Variants in ECM2 observed in about 807,000 individuals in gnomAD.
ECM2 encodes extracellular matrix protein 2, female organ and adipocyte specific.
Under a neutral mutation model 67.5 loss-of-function variants are expected in ECM2, and 57 were observed. The observed-to-expected ratio is 0.84, with a 90% CI of 0.68 to 1.05. The LOEUF (loss-of-function observed/expected upper bound fraction) is 1.05, where lower values mean the gene tolerates loss of function less well. Ranked by LOEUF, ECM2 falls within the 50% of genes least tolerant of loss-of-function variation. ECM2 has a pLI of 0.00. For missense variants in ECM2, 741 were observed against 822.8 expected (o/e 0.90, Z 1.22); for synonymous variants, 258 against 294.5 (o/e 0.88, Z 1.27).
chr9:92,515,306 T>A (rs1223675362), intron 3 of ECM2, 103 bp from the exon 4 acceptor site: 1 of 1,304,010 alleles, frequency 7.7e-7, no homozygotes, highest in Non-Finnish European at 9.7e-7. Flanking sequence ...TCCCTCCAAG[T>A]ATTTGAGTGC....
chr9:92,525,185 G>T (rs10992358), intron 1 of ECM2, among the ~76,000 whole-genome samples: 1 of 152,094 alleles, frequency 6.6e-6, no homozygotes, highest in African/African-American at 2.4e-5. Flanking sequence ...GGGCATGGTG[G>T]TGCATACCTG....
In ECM2 at chr9:92,495,917, AT is replaced by A. The variant is rs1846321262; in HGVS notation, c.*397del. ...AATTCTGCCTGCTTTTTTTGTTGTC[AT>A]TATGCTTCTTAATCTTGAACCAAAA... On this transcript the variant is annotated 3_prime_UTR_variant, in exon 10 of 10. Coordinates refer to ENST00000344604, the MANE Select transcript of ECM2 (RefSeq NM_001393.4). 5.1e-6 allele frequency: 5 copies of A among 985,410 alleles called. No homozygotes were observed. In the South Asian group the frequency reaches 1.9e-4, roughly 37 times the overall value. 61.0% of individuals were successfully genotyped at this position (985,410 alleles called of 1,614,324 possible). A position where few individuals can be genotyped will look rare whatever the true frequency, so the allele number is the denominator to read the frequency against.
chr9:92,548,799 G>T, the ECM2 span, among the ~76,000 whole-genome samples: 1 of 152,126 alleles, frequency 6.6e-6, no homozygotes, highest in African/African-American at 2.4e-5. Context: ...GATAACATTT[G>T]TTCTTACACT....
the ECM2 span, among the ~76,000 whole-genome samples, chr9:92,552,661 TC>T: frequency 7.9e-5 from 12 of 152,234 alleles, no homozygotes; most frequent in Admixed American, 7.9e-4. Context: ...AATTGTCTAT[TC>T]GTGTCATTAG....
chr9:92,546,534 A>G, the ECM2 span, among the ~76,000 whole-genome samples: 1 of 151,930 alleles, frequency 6.6e-6, no homozygotes. Context: ...GAGCTGTAAT[A>G]GTCAACGCCA....
intron 3 of ECM2, among the ~76,000 whole-genome samples, chr9:92,516,103 G>T (rs909363696): frequency 6.8e-6 from 1 of 147,010 alleles, no homozygotes; most frequent in Admixed American, 7.0e-5. Flanking sequence ...TTGCTCTGTC[G>T]CCCAGGCTGG....
intron 1 of ECM2, among the ~76,000 whole-genome samples, chr9:92,532,034 A>T (rs2398753): frequency 0.64 from 59,315 of 93,218 alleles, 18,799 homozygotes; most frequent in African/African-American, 0.83. Context: ...TTTTTATTTT[A>T]TTTTTTTTTT....
the ECM2 span, among the ~76,000 whole-genome samples, chr9:92,552,210 CA>C: frequency 2.7e-5 from 4 of 150,596 alleles, no homozygotes; most frequent in African/African-American, 9.8e-5. Flanking sequence ...CACACACACA[CA>C]CACACCCCAC....
Position 92,502,536 on chromosome 9 carries a change from A to G in ECM2, c.1581T>C (p.Ala527=), listed in dbSNP as rs1437186616. Residue 527 remains alanine (A), a synonymous_variant, in exon 8 of 10, where the codon GCT becomes GCC. Coordinates refer to ENST00000344604, the MANE Select transcript of ECM2 (RefSeq NM_001393.4). ...ACTCTTGATTTATCCAGGCTAAAGGAGCAATCCTATTTTCTTCAATTTTGT... is the reference window on the plus strand; with the variant it reads ...ACTCTTGATTTATCCAGGCTAAAGGGGCAATCCTATTTTCTTCAATTTTGT... ...RYNKIEENRI[A]PLAWINQENL... The G allele has an allele frequency of 6.2e-7, 1 of 1,612,948 alleles. No individual in the cohort carries two copies. Among genetic ancestry groups the G allele is most frequent in the South Asian group, 1.1e-5 (1 of 90,832 alleles).
intron 4 of ECM2, 21 bp downstream of exon 4, chr9:92,514,610 G>A (rs1847568262): frequency 1.3e-6 from 2 of 1,543,440 alleles, no homozygotes; most frequent in Admixed American, 2.0e-5. Context: ...ACAAAATAAA[G>A]CAGAAGTCAA....
At chr9:92,518,000 A>G in intron 2 of ECM2, 125 bp from the exon 3 acceptor site, 1 of 1,101,792 alleles carries the variant, frequency 9.1e-7, no homozygotes, top group Non-Finnish European at 1.3e-6. Flanking sequence ...ATGTGCATTC[A>G]TGTATAGGGT....
At chr9:92,557,223 C>G in the ECM2 span, among the ~76,000 whole-genome samples, 1 of 152,140 alleles carries the variant, frequency 6.6e-6, no homozygotes, top group Non-Finnish European at 1.5e-5. Flanking sequence ...TTGTAGGTTA[C>G]CTGGTGCTTC....
At chr9:92,555,372 G>T in the ECM2 span, among the ~76,000 whole-genome samples, 2 of 151,544 alleles carry the variant, frequency 1.3e-5, no homozygotes, top group East Asian at 3.9e-4. Context: ...GATTACAGAT[G>T]CATACCACCA....
At chr9:92,541,085 C>G (rs1358355398), upstream of ECM2, among the ~76,000 whole-genome samples, 4 of 151,810 alleles carry the variant, frequency 2.6e-5, no homozygotes, top group Admixed American at 2.6e-4. Flanking sequence ...CATGGTGAAA[C>G]CCCATCTCTA....
intron 6 of ECM2, among the ~76,000 whole-genome samples, chr9:92,508,988 G>A (rs1269233113): frequency 9.2e-5 from 14 of 151,962 alleles, no homozygotes; most frequent in Admixed American, 9.2e-4. Flanking sequence ...AAAGTACACA[G>A]TACAATCAAA....
downstream of ECM2, chr9:92,493,989 C>CA (rs1413578641): frequency 3.9e-6 from 5 of 1,296,520 alleles, no homozygotes; most frequent in Non-Finnish European, 5.4e-6. Flanking sequence ...TGGCGGCCCT[C>CA]AGGCCCCAGT....
At chr9:92,504,960 T>C (rs1034357611) in intron 7 of ECM2, among the ~76,000 whole-genome samples, 5 of 152,200 alleles carry the variant, frequency 3.3e-5, no homozygotes, top group Middle Eastern at 3.2e-3. Flanking sequence ...CTCTAGAGGA[T>C]AATGAAGCAA....
chr9:92,538,643 CA>C (rs1283831993), upstream of ECM2, among the ~76,000 whole-genome samples: 2 of 152,192 alleles, frequency 1.3e-5, no homozygotes, highest in African/African-American at 4.8e-5. Context: ...TGGACTGTTA[CA>C]TGAGTCCTTT....
In ECM2 at chr9:92,523,691, A is replaced by G. The variant is rs566385601; in HGVS notation, c.-27-798T>C. ...TGAATCTCCTTTGTGCTTAAACAGCATATCTTTAACTTATTGGAGAGTAGC... is the reference window on the plus strand; with the variant it reads ...TGAATCTCCTTTGTGCTTAAACAGCGTATCTTTAACTTATTGGAGAGTAGC... On this transcript the variant is annotated intron_variant, in intron 1 of 9. Coordinates refer to ENST00000344604, the MANE Select transcript of ECM2 (RefSeq NM_001393.4). Among the ~76,000 whole-genome samples, 10 of 152,344 alleles carry G rather than the reference A, an allele frequency of 6.6e-5. No homozygotes were observed. The South Asian group carries it at 2.1e-3, about 32-fold the overall frequency.
Sources: gnomAD v4.1 joint callset for allele counts (sites outside exome capture counted in the v4.1 genomes callset) on GRCh38, gnomAD v4.1.1 for gene constraint, MANE v1.5 for transcripts, NCBI Gene and HGNC (gene_info 2026-07-23, HGNC 2026-07-21) for gene names.